The following POLR1A variants were observed in gnomAD, a reference collection of about 807,000 sequenced individuals.
The protein encoded by POLR1A is RNA polymerase I subunit A, also known as DNA-directed RNA polymerase I subunit RPA1.
A neutral mutation model predicts 205.3 loss-of-function variants in POLR1A; 84 were observed. The observed-to-expected ratio is 0.41, with a 90% CI of 0.34 to 0.49. The LOEUF is 0.49. Ranked by LOEUF, POLR1A falls within the 20% of genes least tolerant of loss-of-function variation. POLR1A has a pLI of 0.22. For missense variants in POLR1A, 1,645 were observed against 2,204.5 expected, an observed-to-expected ratio of 0.75 and a Z score of 5.08; for synonymous variants, 799 against 863.7, an observed-to-expected ratio of 0.93 and a Z score of 1.31.
chr2:86,060,063 C>A (rs922647152), intron 14 of POLR1A, among the ~76,000 whole-genome samples: 2 of 152,264 alleles, frequency 1.3e-5, no homozygotes, highest in East Asian at 3.9e-4. Flanking sequence ...AATTGTATTT[C>A]TAGACACCAA....
chr2:86,053,027 G>T, intron 15 of POLR1A, 27 bp from the exon 16 acceptor site: 1 of 1,517,428 alleles, frequency 6.6e-7, no homozygotes, highest in South Asian at 1.3e-5. Context: ...CACCAATGCC[G>T]GGCTGCGGGT....
chr2:86,027,668 C>T (rs1033498064), intron 33 of POLR1A, 145 bp from the exon 34 acceptor site: 2 of 841,588 alleles, frequency 2.4e-6, no homozygotes, highest in East Asian at 2.6e-5. Flanking sequence ...GGCAGCCCCC[C>T]TCTAGCACTT....
chr2:86,094,755 T>C (rs946403490), intron 3 of POLR1A, among the ~76,000 whole-genome samples: 4 of 152,202 alleles, frequency 2.6e-5, no homozygotes, highest in African/African-American at 7.2e-5. Context: ...TATCCTTAAG[T>C]ATGTATTCGA....
At chr2:86,092,516 C>T (rs953919341) in intron 3 of POLR1A, among the ~76,000 whole-genome samples, 9 of 152,182 alleles carry the variant, frequency 5.9e-5, no homozygotes, top group African/African-American at 1.7e-4. Context: ...TCCTCCAGGG[C>T]GTTTTAAAGA....
Position 86,022,937 on chromosome 2 carries a change from G to C in POLR1A, c.*4486C>G, listed in dbSNP as rs76463852. 4 of 152,096 alleles carry C rather than the reference G, an allele frequency of 2.6e-5. No individual in the cohort carries two copies. The East Asian group carries it at 7.7e-4, about 29-fold the overall frequency. 9.4% of individuals were successfully genotyped at this position (152,096 alleles called of 1,614,324 possible). A position where few individuals can be genotyped will look rare whatever the true frequency, so the allele number is the denominator to read the frequency against. On this transcript the variant is annotated 3_prime_UTR_variant, in exon 34 of 34. Coordinates refer to ENST00000263857, the MANE Select transcript of POLR1A (RefSeq NM_015425.6). ...GTCTCACTCTGTTGCCCAGGCTGGA[G>C]TGACATAATCTCGGCTCACTGCAAC...
At chr2:86,045,585 A>G (rs777424342) in intron 20 of POLR1A, 32 bp downstream of exon 20, 1 of 1,611,728 alleles carries the variant, frequency 6.2e-7, no homozygotes, top group East Asian at 2.2e-5. Context: ...GAAATGAGGG[A>G]AAAAGCTAAA....
chr2:86,092,915 T>G (rs114521578), intron 3 of POLR1A, among the ~76,000 whole-genome samples: 1 of 152,164 alleles, frequency 6.6e-6, no homozygotes, highest in African/African-American at 2.4e-5. Context: ...AAAGGAAATG[T>G]AAACCAATCT....
Position 86,027,291 on chromosome 2 carries a change from G to C in POLR1A, c.*132C>G. On this transcript the variant is annotated 3_prime_UTR_variant, in exon 34 of 34. Transcript: ENST00000263857. Reference sequence around the variant, plus strand: ...GCCCACTGCTTTCAGGCCCAAGGTCGCTGCTGTGCTCTGTACTGTCACTTG... The same window carrying C: ...GCCCACTGCTTTCAGGCCCAAGGTCCCTGCTGTGCTCTGTACTGTCACTTG... The C allele has an allele frequency of 1.4e-6, 1 of 736,366 alleles. No homozygotes were observed. Among genetic ancestry groups the C allele is most frequent in the Admixed American group, 2.0e-5 (1 of 49,762 alleles). The allele number at this position is 736,366 out of a possible 1,614,324, so 45.6% of individuals were successfully genotyped here.
intron 1 of POLR1A, among the ~76,000 whole-genome samples, chr2:86,104,969 G>C (rs1334447458): frequency 1.5e-4 from 23 of 152,220 alleles, no homozygotes; most frequent in Admixed American, 1.4e-3. Flanking sequence ...TACTAGAATA[G>C]AATCTTGAAG....
intron 19 of POLR1A, among the ~76,000 whole-genome samples, chr2:86,046,444 G>A (rs547586508): frequency 6.6e-6 from 1 of 152,156 alleles, no homozygotes; most frequent in Non-Finnish European, 1.5e-5. Flanking sequence ...CGGCCTTTCT[G>A]TTGTCACACT....
chr2:86,065,632 C>T (rs1673073033), intron 13 of POLR1A, 167 bp from the exon 14 acceptor site: 2 of 621,606 alleles, frequency 3.2e-6, no homozygotes, highest in South Asian at 2.0e-5. Context: ...CCAACTGCTT[C>T]CCAAAGCACA....
intron 1 of POLR1A, among the ~76,000 whole-genome samples, chr2:86,101,282 T>C (rs1217976315): frequency 1.3e-5 from 2 of 152,180 alleles, no homozygotes; most frequent in African/African-American, 4.8e-5. Context: ...CCCCTAATGA[T>C]GTAAACACTC....
intron 1 of POLR1A, among the ~76,000 whole-genome samples, chr2:86,102,147 C>T (rs1156521091): frequency 1.3e-5 from 2 of 152,202 alleles, no homozygotes; most frequent in African/African-American, 2.4e-5. Context: ...CTTGGATACA[C>T]ATCCAGAAGT....
Position 86,041,877 on chromosome 2 carries a change from CACTGTCAAT to C in POLR1A, c.3572+3_3572+11del, listed in dbSNP as rs1672615765. On this transcript the variant is annotated splice_donor_5th_base_variant and intron_variant, in intron 24 of 33. Transcript: ENST00000263857. ...CTCCTGCACATGTTGTGCAACAAAT[CACTGTCAAT>C]ACCTGTCGAGAGAAAGCTCTGATTT... is the stretch of plus-strand genomic sequence containing the variant. 5 of 1,608,182 alleles carry C rather than the reference CACTGTCAAT, an allele frequency of 3.1e-6. No individual in the cohort carries two copies. Among genetic ancestry groups the C allele is most frequent in the Non-Finnish European group, 4.3e-6 (5 of 1,174,758 alleles).
chr2:86,099,590 C>A (rs1048094768), intron 2 of POLR1A, among the ~76,000 whole-genome samples: 1 of 152,010 alleles, frequency 6.6e-6, no homozygotes, highest in Non-Finnish European at 1.5e-5. Context: ...ATAGAGACAC[C>A]TGAAGGGCTC....
chr2:86,023,721 A>G lies in POLR1A; in HGVS notation c.*3702T>C, dbSNP rs1000239002. The G allele has an allele frequency of 1.3e-5, 2 of 151,544 alleles. No individual in the cohort carries two copies. The highest frequency in any genetic ancestry group is 4.9e-5 in the African/African-American group (2 of 41,154). The allele number at this position is 151,544 out of a possible 1,614,324, so 9.4% of individuals were successfully genotyped here. On this transcript the variant is annotated 3_prime_UTR_variant, in exon 34 of 34. Transcript: ENST00000263857. ...ATGATCCAGCAATTCCACTTCTAGTATATATTCAAAGGAAAGCAGGGTCTG... is the reference window on the plus strand; with the variant it reads ...ATGATCCAGCAATTCCACTTCTAGTGTATATTCAAAGGAAAGCAGGGTCTG...
chr2:86,060,464 A>T (rs1672974354), intron 14 of POLR1A, among the ~76,000 whole-genome samples: 1 of 152,230 alleles, frequency 6.6e-6, no homozygotes, highest in South Asian at 2.1e-4. Context: ...GATTTAGTAT[A>T]AACCCACAGT....
Position 86,080,812 on chromosome 2 carries a change from T to G in POLR1A, c.1086+4A>C. ...CATCACATCAGCAACAGAGCAGCCCTGACCTCATCTGTAGTGGGTGTGGCC... is the reference window on the plus strand; with the variant it reads ...CATCACATCAGCAACAGAGCAGCCCGGACCTCATCTGTAGTGGGTGTGGCC... On this transcript the variant is annotated splice_donor_region_variant and intron_variant, in intron 9 of 33. Coordinates refer to ENST00000263857, the MANE Select transcript of POLR1A (RefSeq NM_015425.6). The G allele has an allele frequency of 6.2e-7, 1 of 1,608,082 alleles. No homozygotes were observed. The highest frequency in any genetic ancestry group is 8.5e-7 in the Non-Finnish European group (1 of 1,176,682).
chr2:86,088,932 T>G (rs1673554318), intron 4 of POLR1A, 62 bp from the exon 5 acceptor site: 1 of 1,216,676 alleles, frequency 8.2e-7, no homozygotes, highest in African/African-American at 1.5e-5. Context: ...TCCAATATAT[T>G]TACTTTATGG....
Sources: allele counts gnomAD v4.1 joint callset (sites outside exome capture counted in the v4.1 genomes callset), GRCh38; gene constraint gnomAD v4.1.1; transcripts MANE v1.5; gene names NCBI Gene and HGNC (gene_info 2026-07-23, HGNC 2026-07-21).